DVL1: variants seen among roughly 807,000 people sequenced by gnomAD.
DVL1 encodes the protein dishevelled segment polarity protein 1, also known as segment polarity protein dishevelled homolog DVL-1.
DVL1 carries 49 observed loss-of-function variants against 65.0 expected under a neutral mutation model. The observed-to-expected ratio is 0.75, with a 90% CI of 0.60 to 0.96. DVL1 has a LOEUF of 0.96. Among genes scored for constraint, DVL1 ranks in the 40% least tolerant of loss-of-function variants. The pLI is 0.00. For missense variants in DVL1, 1,197 were observed against 1,045.4 expected, an observed-to-expected ratio of 1.15 and a Z score of -2.00; for synonymous variants, 608 against 433.9, an observed-to-expected ratio of 1.40 and a Z score of -4.99.
In DVL1 at chr1:1,342,063, G is replaced by C. The variant is rs1452086868; in HGVS notation, c.456C>G (p.Asn152Lys). The C allele has an allele frequency of 6.3e-7, 1 of 1,581,032 alleles. No homozygotes were observed. The highest frequency in any genetic ancestry group is 2.3e-5 in the East Asian group (1 of 43,314). The change falls in exon 4 of 15, where the codon AAC (asparagine) becomes AAG (lysine). Residue 152 changes from asparagine (N) to lysine (K), a missense_variant. Coordinates refer to ENST00000378888, the MANE Select transcript of DVL1 (RefSeq NM_001330311.2). Reference protein sequence around the residue: ...SHRRERARRRNREEAARTNGH... With the variant: ...SHRRERARRRKREEAARTNGH... ...ACATGACCACTGTACCCTCCTCGCG[G>C]TTCCGGCGTCGGGCACGCTCCCGCC...
rs1643857128 is a variant in DVL1, at chr1:1,342,157, C to A, written c.363-1G>T. 4 of 1,559,424 alleles carry A rather than the reference C, an allele frequency of 2.6e-6. No individual in the cohort carries two copies. Among genetic ancestry groups the A allele is most frequent in the Non-Finnish European group, 3.5e-6 (4 of 1,152,102 alleles). ...GTCACGGCTGCTGGCCACATTTGGG[C>A]TGTGCAACAAGAGCAGGGTGGGTGG... On this transcript the variant is annotated splice_acceptor_variant, in intron 3 of 14. Coordinates refer to ENST00000378888, the MANE Select transcript of DVL1 (RefSeq NM_001330311.2). LOFTEE classifies it high-confidence loss of function.
At position 1,342,466 on chromosome 1, in the gene DVL1, C is replaced by T. The variant is rs1333807139; in HGVS notation, c.259G>A (p.Ala87Thr). 5.0e-6 allele frequency: 8 copies of T among 1,609,702 alleles called. No homozygotes were observed. The highest frequency in any genetic ancestry group is 6.8e-6 in the Non-Finnish European group (8 of 1,179,190). The part of the protein sequence containing the change: ...VVSWLVLAEG[A>T]HSDAGSQGTD... ...CCCTGGGACCCCGCATCCGAGTGAG[C>T]ACCCTCAGCCAGGACCAGCTGTGGA... Residue 87 changes from alanine to threonine, a missense_variant, in exon 3 of 15, where the codon GCT (alanine) becomes ACT (threonine). Transcript: ENST00000378888.
chr1:1,338,458 C>G (rs1557664821), intron 12 of DVL1, 22 bp from the exon 13 acceptor site: 1 of 1,608,682 alleles, frequency 6.2e-7, no homozygotes, highest in East Asian at 2.2e-5. Flanking sequence ...CAGCGGTCAG[C>G]CCGCAGCCTC....
At chr1:1,347,463 G>A (rs1643933183) in intron 1 of DVL1, among the ~76,000 whole-genome samples, 1 of 152,222 alleles carries the variant, frequency 6.6e-6, no homozygotes, top group Non-Finnish European at 1.5e-5. Flanking sequence ...GGTGTCAGGA[G>A]CAGAAGGCGG....
Position 1,335,976 on chromosome 1 carries a change from G to C in DVL1, c.*166C>G, listed in dbSNP as rs899240693. 4 of 908,638 alleles carry C rather than the reference G, an allele frequency of 4.4e-6. No individual in the cohort carries two copies. Among genetic ancestry groups the C allele is most frequent in the Non-Finnish European group, 6.5e-6 (4 of 613,294 alleles). 56.3% of individuals were successfully genotyped at this position (908,638 alleles called of 1,614,324 possible). On this transcript the variant is annotated 3_prime_UTR_variant, in exon 15 of 15. Coordinates refer to ENST00000378888, the MANE Select transcript of DVL1 (RefSeq NM_001330311.2). ...ACACGGCTGCTCAGACACAGGTGCTGTCAGGAGCTGGAGCAGCCAGGCTGC... is the reference window on the plus strand; with the variant it reads ...ACACGGCTGCTCAGACACAGGTGCTCTCAGGAGCTGGAGCAGCCAGGCTGC...
chr1:1,337,713 G>A (rs1003375909), intron 14 of DVL1: 3 of 671,916 alleles, frequency 4.5e-6, no homozygotes, highest in East Asian at 5.7e-5. Flanking sequence ...TGTGTGAGAC[G>A]CTTCCCTGTC....
intron 14 of DVL1, among the ~76,000 whole-genome samples, chr1:1,336,752 C>A (rs1376582138): frequency 6.6e-6 from 1 of 152,164 alleles, no homozygotes; most frequent in Non-Finnish European, 1.5e-5. Flanking sequence ...GCAAGCTGGG[C>A]GCCCCCACAC....
chr1:1,343,985 C>G (rs925495674), intron 1 of DVL1, among the ~76,000 whole-genome samples: 1 of 152,166 alleles, frequency 6.6e-6, no homozygotes, highest in Admixed American at 6.5e-5. Context: ...TCAGGGGACA[C>G]GAACCAGGAG....
rs777887039 is a variant in DVL1, at chr1:1,339,371, G to A, written c.1123C>T (p.Pro375Ser). The A allele has an allele frequency of 7.1e-6, 11 of 1,548,810 alleles. No homozygotes were observed. The highest frequency in any genetic ancestry group is 1.2e-5 in the South Asian group (1 of 84,004). The change falls in exon 11 of 15, where the codon CCC (proline) becomes TCC (serine). Residue 375 changes from proline to serine, a missense_variant. Transcript: ENST00000378888. ...SHTAALTGAL[P>S]RYGTSPCSSA... The stretch of plus-strand genomic sequence containing the variant: ...GAGCAGGGACTCGTACCGTAGCGGG[G>A]CAGGGCTCCTGTCAGTGCCGCCGTG...
rs151231631 is a variant in DVL1, at chr1:1,340,554, G to A, written c.606-51C>T. On this transcript the variant is annotated intron_variant, in intron 5 of 14. Transcript: ENST00000378888. ...AGGAGCTGGAGACATGGGTAGGGGG[G>A]TGGGAACCCGCTCCCCCAATACTGA... 2.0e-4 allele frequency: 311 copies of A among 1,541,852 alleles called. 1 individual carries two copies. In the African/African-American group the frequency reaches 3.6e-3, roughly 18 times the overall value.
intron 14 of DVL1, chr1:1,336,976 C>T: frequency 1.0e-6 from 1 of 991,442 alleles, no homozygotes. Flanking sequence ...GCGTGGCTGG[C>T]TGGGGACATG....
At chr1:1,337,533 G>T (rs1023448751) in intron 14 of DVL1, among the ~76,000 whole-genome samples, 1 of 152,190 alleles carries the variant, frequency 6.6e-6, no homozygotes, top group African/African-American at 2.4e-5. Flanking sequence ...GGCCACCCCT[G>T]CCCTGTCCTT....
At chr1:1,343,929 T>C (rs1643882271) in intron 1 of DVL1, among the ~76,000 whole-genome samples, 2 of 152,184 alleles carry the variant, frequency 1.3e-5, no homozygotes, top group East Asian at 1.9e-4. Context: ...CCAGGTCAGA[T>C]AGGCTTGGGA....
chr1:1,343,340 C>T (rs1186303688), intron 1 of DVL1, among the ~76,000 whole-genome samples: 1 of 151,982 alleles, frequency 6.6e-6, no homozygotes, highest in African/African-American at 2.4e-5. Flanking sequence ...CTGCACCTAC[C>T]GGGCCCCAAG....
Position 1,338,253 on chromosome 1 carries a change from C to T in DVL1, c.1507+16G>A, listed in dbSNP as rs372744736. On this transcript the variant is annotated intron_variant, in intron 13 of 14. Transcript: ENST00000378888. ...TTCCCCTCCCCCCCGCCCTGAAGCC[C>T]GAAGCCCCCACTCACTGCTGCAGAG... is the stretch of plus-strand genomic sequence containing the variant. The T allele has an allele frequency of 8.2e-5, 131 of 1,597,280 alleles. No individual in the cohort carries two copies. The highest frequency in any genetic ancestry group is 3.3e-4 in the South Asian group (30 of 89,562).
Position 1,340,293 on chromosome 1 carries a change from G to T in DVL1, c.723C>A (p.Thr241=). 6.2e-7 allele frequency: 1 copy of T among 1,614,002 alleles called. No individual in the cohort carries two copies. Among genetic ancestry groups the T allele is most frequent in the Non-Finnish European group, 8.5e-7 (1 of 1,180,000 alleles). Residue 241 remains threonine, a synonymous_variant, in exon 7 of 15, where the codon ACC becomes ACA. Coordinates refer to ENST00000378888, the MANE Select transcript of DVL1 (RefSeq NM_001330311.2). ...ADRASSFSSI[T]DSTMSLNIVT... is the part of the protein sequence containing the mutation. ...CGATGTTGAGGGACATGGTGGAGTC[G>T]GTTATGCTGCTGAAGGAGGAGGCCT...
intron 6 of DVL1, 45 bp downstream of exon 6, chr1:1,340,365 T>C: frequency 1.9e-6 from 3 of 1,613,174 alleles, no homozygotes; most frequent in Non-Finnish European, 2.5e-6. Flanking sequence ...TGCCCGACAC[T>C]GACTTCGCCT....
chr1:1,338,618 T>C lies in DVL1; in HGVS notation c.1243A>G (p.Met415Val), dbSNP rs781525302. The C allele has an allele frequency of 2.5e-6, 4 of 1,611,758 alleles. No individual in the cohort carries two copies. Among genetic ancestry groups the C allele is most frequent in the South Asian group, 1.1e-5 (1 of 91,090 alleles). ...EEAPLTVKSD[M>V]SAVVRVMQLP... ...TGCATGACCCGGACGACGGCGCTCATGTCACTCTTCACCGTCAGCGGCGCC... is the reference window on the plus strand; with the variant it reads ...TGCATGACCCGGACGACGGCGCTCACGTCACTCTTCACCGTCAGCGGCGCC... Residue 415 changes from methionine to valine, a missense_variant, in exon 12 of 15, where the codon ATG (methionine) becomes GTG (valine). Met to Val is a conservative substitution (Grantham distance 21). Transcript: ENST00000378888.
rs537414598 is a variant in DVL1, at chr1:1,347,771, C to T, written c.170+1125G>A. On this transcript the variant is annotated intron_variant, in intron 1 of 14. Coordinates refer to ENST00000378888, the MANE Select transcript of DVL1 (RefSeq NM_001330311.2). ...CCCCTCCTGCCCAACCTGACCGGAGCGGGCAGGAGGGCCGCTGAGCCGAGT... is the reference window on the plus strand; with the variant it reads ...CCCCTCCTGCCCAACCTGACCGGAGTGGGCAGGAGGGCCGCTGAGCCGAGT... 3.3e-5 allele frequency among the ~76,000 whole-genome samples: 5 copies of T among 152,232 alleles called. No individual in the cohort carries two copies. In the South Asian group the frequency reaches 8.3e-4, roughly 25 times the overall value.
Sources: allele counts gnomAD v4.1 joint callset (sites outside exome capture counted in the v4.1 genomes callset), GRCh38; gene constraint gnomAD v4.1.1; transcripts MANE v1.5; gene names NCBI Gene and HGNC (gene_info 2026-07-23, HGNC 2026-07-21).